Variants in CGNL1 observed in about 807,000 individuals in gnomAD.
CGNL1 encodes the protein cingulin-like protein 1.
CGNL1 carries 132 observed loss-of-function variants against 141.2 expected under a neutral mutation model. The observed-to-expected ratio is 0.93, with a 90% CI of 0.81 to 1.08. The LOEUF is 1.08. Among genes scored for constraint, CGNL1 ranks in the 50% least tolerant of loss-of-function variants. CGNL1 has a pLI of 0.00. For missense variants in CGNL1, 1,870 were observed against 1,588.6 expected (o/e 1.18, Z -3.01); for synonymous variants, 690 against 622.1 (o/e 1.11, Z -1.63).
At chr15:57,537,310 T>C (rs1389992959) in intron 14 of CGNL1, among the ~76,000 whole-genome samples, 2 of 152,112 alleles carry the variant, frequency 1.3e-5, no homozygotes, top group East Asian at 3.9e-4. Context: ...TAAATGCCAG[T>C]GATAGAGTTG....
chr15:57,492,282 C>T (rs1204371038), intron 8 of CGNL1, among the ~76,000 whole-genome samples: 3 of 152,118 alleles, frequency 2.0e-5, no homozygotes, highest in African/African-American at 4.8e-5. Context: ...TAGAAATTGA[C>T]ATTCAAAAGA....
intron 10 of CGNL1, among the ~76,000 whole-genome samples, chr15:57,521,508 A>G (rs2031252184): frequency 6.6e-6 from 1 of 152,140 alleles, no homozygotes; most frequent in Non-Finnish European, 1.5e-5. Context: ...TAGTGAACAT[A>G]CCCAGATAGA....
chr15:57,444,951 G>A (rs1233534193), intron 4 of CGNL1, among the ~76,000 whole-genome samples: 8 of 152,124 alleles, frequency 5.3e-5, no homozygotes, highest in Non-Finnish European at 7.4e-5. Flanking sequence ...AAGATTAGAG[G>A]AAGAGAGACC....
intron 6 of CGNL1, among the ~76,000 whole-genome samples, chr15:57,452,648 G>GC (rs2063335411): frequency 6.6e-6 from 1 of 151,930 alleles, no homozygotes; most frequent in South Asian, 2.1e-4. Context: ...GTGTTACGTG[G>GC]CCCCCGTGAG....
chr15:57,410,612 G>A (rs2062775877), intron 1 of CGNL1, among the ~76,000 whole-genome samples: 2 of 152,140 alleles, frequency 1.3e-5, no homozygotes, highest in Non-Finnish European at 2.9e-5. Context: ...TAGCAGGGAG[G>A]GAGGAGTGAG....
intron 1 of CGNL1, among the ~76,000 whole-genome samples, chr15:57,411,242 A>C (rs1211265893): frequency 6.6e-6 from 1 of 152,148 alleles, no homozygotes; most frequent in Non-Finnish European, 1.5e-5. Context: ...ACAGCTGTCT[A>C]GAGCCTTCCT....
At chr15:57,473,893 CTTCTTCTTTTT>C (rs1320492484) in intron 8 of CGNL1, among the ~76,000 whole-genome samples, 45 of 108,174 alleles carry the variant, frequency 4.2e-4, no homozygotes, top group African/African-American at 1.3e-3. Flanking sequence ...TCTTCTTCTT[CTTCTTCTTTTT>C]TTTTTTTTTT....
chr15:57,479,565 G>A (rs1031289501), intron 8 of CGNL1, among the ~76,000 whole-genome samples: 3 of 152,206 alleles, frequency 2.0e-5, no homozygotes, highest in African/African-American at 7.2e-5. Context: ...TTGGGAGGCT[G>A]AGGCAGGAGA....
rs1358401510 is a variant in CGNL1 at position 57,497,002 on chromosome 15, G to T, written c.2404-19778G>T. ...AGGATGGCAGTTGCATCCACGTTGT[G>T]TGGAAGCAGCACTTCAGCAATCCAA... On this transcript the variant is annotated intron_variant, in intron 8 of 18. Coordinates refer to ENST00000281282, the MANE Select transcript of CGNL1 (RefSeq NM_032866.5). 3.9e-5 allele frequency among the ~76,000 whole-genome samples: 6 copies of T among 152,188 alleles called. No individual in the cohort carries two copies. The East Asian group carries it at 5.8e-4, about 15-fold the overall frequency.
chr15:57,385,765 A>T (rs1293256446), intron 1 of CGNL1, among the ~76,000 whole-genome samples: 1 of 152,212 alleles, frequency 6.6e-6, no homozygotes, highest in African/African-American at 2.4e-5. Context: ...ACATTTGACA[A>T]TATCTGGGGG....
intron 14 of CGNL1, among the ~76,000 whole-genome samples, chr15:57,532,104 A>T (rs1364229851): frequency 2.0e-5 from 3 of 152,180 alleles, no homozygotes; most frequent in African/African-American, 7.2e-5. Flanking sequence ...GGGCTTTCTA[A>T]ATGTTGATAT....
At chr15:57,433,732 G>T (rs370750604) in intron 1 of CGNL1, among the ~76,000 whole-genome samples, 19 of 152,326 alleles carry the variant, frequency 1.2e-4, no homozygotes, top group East Asian at 9.6e-4. Flanking sequence ...TGGTGTTGGG[G>T]TGTTGGTGGG....
At chr15:57,404,503 C>A (rs2062694012) in intron 1 of CGNL1, among the ~76,000 whole-genome samples, 1 of 152,092 alleles carries the variant, frequency 6.6e-6, no homozygotes, top group African/African-American at 2.4e-5. Flanking sequence ...AAATATGGAT[C>A]CTTGTAGCGA....
chr15:57,413,479 T>C (rs1293033716), intron 1 of CGNL1, among the ~76,000 whole-genome samples: 1 of 152,022 alleles, frequency 6.6e-6, no homozygotes, highest in Non-Finnish European at 1.5e-5. Flanking sequence ...CCAGGGGTTG[T>C]CCCTAGGGGT....
chr15:57,413,446 T>G (rs537126600), intron 1 of CGNL1, among the ~76,000 whole-genome samples: 95 of 152,182 alleles, frequency 6.2e-4, no homozygotes, highest in African/African-American at 2.3e-3. Flanking sequence ...CCTGGCAAAT[T>G]TTTGTGAAGA....
intron 1 of CGNL1, among the ~76,000 whole-genome samples, chr15:57,399,719 G>T (rs2062638678): frequency 6.6e-6 from 1 of 152,078 alleles, no homozygotes; most frequent in Admixed American, 6.5e-5. Flanking sequence ...ATTGAGGATT[G>T]CAGGTCGAGT....
intron 8 of CGNL1, among the ~76,000 whole-genome samples, chr15:57,469,971 A>G (rs574718052): frequency 6.6e-6 from 1 of 152,336 alleles, no homozygotes; most frequent in Non-Finnish European, 1.5e-5. Flanking sequence ...TGGCTAATTC[A>G]GTGTAAAATC....
chr15:57,518,489 G>A lies in CGNL1; in HGVS notation c.2707G>A (p.Ala903Thr), dbSNP rs769475752. 151 of 1,607,962 alleles carry A rather than the reference G, an allele frequency of 9.4e-5. No individual in the cohort carries two copies. The highest frequency in any genetic ancestry group is 1.2e-4 in the Non-Finnish European group (146 of 1,176,604). ...AAGGGCCCTGGAGAATGAACTGGAGGCTGCTCAGGTAAACACCAAGGGCTG... is the reference window on the plus strand; with the variant it reads ...AAGGGCCCTGGAGAATGAACTGGAGACTGCTCAGGTAAACACCAAGGGCTG... ...ARRALENELE[A>T]AQGNLSQTTQ... The change falls in exon 10 of 19, where the codon GCT (alanine) becomes ACT (threonine). Residue 903 changes from alanine (A) to threonine (T), a missense_variant. Transcript: ENST00000281282.
intron 7 of CGNL1, among the ~76,000 whole-genome samples, chr15:57,455,571 C>G (rs1409450787): frequency 6.6e-6 from 1 of 152,168 alleles, no homozygotes; most frequent in Non-Finnish European, 1.5e-5. Context: ...CCAGCTAATT[C>G]AAGAGCAATC....
Sources: allele counts gnomAD v4.1 joint callset (sites outside exome capture counted in the v4.1 genomes callset), GRCh38; gene constraint gnomAD v4.1.1; transcripts MANE v1.5; gene names NCBI Gene and HGNC (gene_info 2026-07-23, HGNC 2026-07-21).